Variants in GALNTL6 observed in about 807,000 individuals in gnomAD.
GALNTL6 encodes polypeptide N-acetylgalactosaminyltransferase-like 6.
In GALNTL6, 46 loss-of-function variants were observed where a neutral mutation model predicts 73.7. The observed-to-expected ratio is 0.62, with a 90% CI of 0.49 to 0.80. The LOEUF (loss-of-function observed/expected upper bound fraction) is 0.80. Ranked by LOEUF, GALNTL6 falls within the 30% of genes least tolerant of loss-of-function variation. The probability of loss-of-function intolerance (pLI) is 0.00; values close to 1 mark genes in which losing one functional copy is unlikely to be tolerated. For missense variants in GALNTL6, 604 were observed against 755.0 expected, an observed-to-expected ratio of 0.80 and a Z score of 2.34; for synonymous variants, 259 against 263.7, an observed-to-expected ratio of 0.98 and a Z score of 0.17.
At chr4:172,354,005 C>T (rs767186790) in intron 5 of GALNTL6, among the ~76,000 whole-genome samples, 13 of 151,948 alleles carry the variant, frequency 8.6e-5, no homozygotes, top group Non-Finnish European at 1.5e-4. Flanking sequence ...TACAACTATT[C>T]GAAGTTGGAA....
At chr4:172,259,107 T>C (rs1184008383) in intron 3 of GALNTL6, among the ~76,000 whole-genome samples, 1 of 151,294 alleles carries the variant, frequency 6.6e-6, no homozygotes, top group Non-Finnish European at 1.5e-5. Flanking sequence ...ACTTCTTTTC[T>C]TCTGGGTGGG....
chr4:172,229,250 T>A (rs1339490061), intron 2 of GALNTL6, among the ~76,000 whole-genome samples: 1 of 152,152 alleles, frequency 6.6e-6, no homozygotes, highest in Non-Finnish European at 1.5e-5. Flanking sequence ...ACAAAGCCGT[T>A]CAGATATGTT....
chr4:172,601,339 A>G (rs1290754253), intron 5 of GALNTL6, among the ~76,000 whole-genome samples: 1 of 152,180 alleles, frequency 6.6e-6, no homozygotes, highest in Non-Finnish European at 1.5e-5. Context: ...CTAATGTGGT[A>G]GTGTTGGGAG....
rs560562631 is a variant in GALNTL6, at chr4:172,162,753, A to G, written c.139-66903A>G. Among the ~76,000 whole-genome samples, 4 of 152,174 alleles carry G rather than the reference A, an allele frequency of 2.6e-5. No homozygotes were observed. In the South Asian group the frequency reaches 8.3e-4, roughly 32 times the overall value. On this transcript the variant is annotated intron_variant, in intron 2 of 12. Transcript: ENST00000506823. ...GTTTAAAAGCAGTGGCTAACAAGTA[A>G]TCAAGTACATCAGCTTTTCAGACTT...
chr4:172,542,108 C>CTTTCTCTTTATAGAGAGA (rs1253485537), intron 5 of GALNTL6, among the ~76,000 whole-genome samples: 8 of 151,614 alleles, frequency 5.3e-5, no homozygotes, highest in African/African-American at 1.9e-4. Flanking sequence ...GAAAGAGAAA[C>CTTTCTCTTTATAGAGAGA]AGCTTTATAG....
At chr4:172,453,560 T>C (rs989213021) in intron 5 of GALNTL6, among the ~76,000 whole-genome samples, 4 of 152,188 alleles carry the variant, frequency 2.6e-5, no homozygotes, top group Non-Finnish European at 5.9e-5. Context: ...CATACAACTC[T>C]GATCAACAAG....
chr4:172,423,749 T>A (rs1382960610), intron 5 of GALNTL6, among the ~76,000 whole-genome samples: 1 of 152,138 alleles, frequency 6.6e-6, no homozygotes, highest in African/African-American at 2.4e-5. Context: ...TATTCACTCA[T>A]GTATACTAAA....
At chr4:172,462,242 T>C (rs1732645987) in intron 5 of GALNTL6, among the ~76,000 whole-genome samples, 1 of 152,152 alleles carries the variant, frequency 6.6e-6, no homozygotes, top group Non-Finnish European at 1.5e-5. Flanking sequence ...GTGAGCTAAT[T>C]CCCTGTTATC....
chr4:172,030,145 A>G (rs1741722722), intron 2 of GALNTL6, among the ~76,000 whole-genome samples: 1 of 152,150 alleles, frequency 6.6e-6, no homozygotes, highest in East Asian at 1.9e-4. Context: ...ACTAAATGTT[A>G]CTAATTACCA....
chr4:171,971,970 G>A (rs137864470), intron 2 of GALNTL6, among the ~76,000 whole-genome samples: 5 of 152,192 alleles, frequency 3.3e-5, no homozygotes, highest in African/African-American at 7.2e-5. Flanking sequence ...CTTTAGGGGA[G>A]AGACTTGGGC....
At chr4:172,590,859 T>C (rs1419538311) in intron 5 of GALNTL6, among the ~76,000 whole-genome samples, 5 of 152,136 alleles carry the variant, frequency 3.3e-5, no homozygotes, top group Non-Finnish European at 1.5e-5. Context: ...ATAAATGATA[T>C]TAGATCCAAT....
chr4:171,855,288 C>A (rs564939126), intron 2 of GALNTL6, among the ~76,000 whole-genome samples: 1 of 152,272 alleles, frequency 6.6e-6, no homozygotes, highest in South Asian at 2.1e-4. Flanking sequence ...CACTCCCTTC[C>A]CCCAAGCCCC....
intron 2 of GALNTL6, among the ~76,000 whole-genome samples, chr4:171,945,283 C>T (rs1338604648): frequency 1.3e-5 from 2 of 152,158 alleles, no homozygotes; most frequent in Admixed American, 1.3e-4. Flanking sequence ...AAAGATGACT[C>T]TTGGGTGTGC....
intron 2 of GALNTL6, among the ~76,000 whole-genome samples, chr4:171,852,249 G>C (rs1486551948): frequency 5.9e-5 from 9 of 151,966 alleles, no homozygotes; most frequent in Admixed American, 5.9e-4. Context: ...TTTTATCACT[G>C]TGTTCTGCTT....
At chr4:172,600,123 T>C (rs1262669831) in intron 5 of GALNTL6, among the ~76,000 whole-genome samples, 1 of 152,064 alleles carries the variant, frequency 6.6e-6, no homozygotes, top group Non-Finnish European at 1.5e-5. Flanking sequence ...TTTTTCATTA[T>C]AAAATGGTGT....
intron 5 of GALNTL6, among the ~76,000 whole-genome samples, chr4:172,481,424 G>C (rs1226382698): frequency 1.4e-5 from 2 of 140,888 alleles, no homozygotes; most frequent in Non-Finnish European, 3.2e-5. Context: ...GGGGACCAGG[G>C]TTGTCTCTGT....
chr4:172,672,119 C>T (rs1732020388), intron 5 of GALNTL6, among the ~76,000 whole-genome samples: 1 of 152,128 alleles, frequency 6.6e-6, no homozygotes, highest in African/African-American at 2.4e-5. Flanking sequence ...TCAAACTCTC[C>T]ACCTCAGGTG....
chr4:172,639,026 A>T (rs574069791), intron 5 of GALNTL6, among the ~76,000 whole-genome samples: 1 of 152,188 alleles, frequency 6.6e-6, no homozygotes, highest in African/African-American at 2.4e-5. Flanking sequence ...GTGCTACATG[A>T]TGTTGGTTTG....
At chr4:172,861,721 A>C in intron 7 of GALNTL6, among the ~76,000 whole-genome samples, 1 of 152,166 alleles carries the variant, frequency 6.6e-6, no homozygotes, top group East Asian at 1.9e-4. Flanking sequence ...TTCTCATGAT[A>C]GTGAATAAGT....
Sources: allele counts gnomAD v4.1 joint callset (sites outside exome capture counted in the v4.1 genomes callset), GRCh38; gene constraint gnomAD v4.1.1; transcripts MANE v1.5; gene names NCBI Gene and HGNC (gene_info 2026-07-23, HGNC 2026-07-21).